FER1L6: variants seen among roughly 807,000 people sequenced by gnomAD.
The protein encoded by FER1L6 is fer-1 like family member 6.
A neutral mutation model predicts 219.2 loss-of-function variants in FER1L6; 177 were observed. The observed-to-expected ratio is 0.81, with a 90% CI of 0.71 to 0.91. The LOEUF (loss-of-function observed/expected upper bound fraction) is 0.91. FER1L6 is among the 40% of genes least tolerant of loss of function. The probability of loss-of-function intolerance (pLI) is 0.00; values close to 1 mark genes in which losing one functional copy is unlikely to be tolerated. For synonymous variants in FER1L6, 768 were observed against 824.3 expected, an observed-to-expected ratio of 0.93 and a Z score of 1.17; for missense variants, 2,153 against 2,259.9, an observed-to-expected ratio of 0.95 and a Z score of 0.96.
chr8:124,105,078 T>C (rs1300893124), intron 39 of FER1L6, among the ~76,000 whole-genome samples: 1 of 152,162 alleles, frequency 6.6e-6, no homozygotes, highest in Non-Finnish European at 1.5e-5. Context: ...GAATCAAAGC[T>C]TACCCAATGC....
rs560453795 is a variant in FER1L6, at chr8:124,083,678, T to C, written c.4391+1220T>C. Among the ~76,000 whole-genome samples, 17 of 152,344 alleles carry C rather than the reference T, an allele frequency of 1.1e-4. No individual in the cohort carries two copies. The South Asian group carries it at 2.9e-3, about 26-fold the overall frequency. On this transcript the variant is annotated intron_variant, in intron 33 of 40. Transcript: ENST00000522917. Reference sequence around the variant, plus strand: ...TGCTCTTCTGGTTACTATAGCTCTGTAGCATAATTTGAAGTCAGGTAATGT... The same window carrying C: ...TGCTCTTCTGGTTACTATAGCTCTGCAGCATAATTTGAAGTCAGGTAATGT...
intron 14 of FER1L6, among the ~76,000 whole-genome samples, chr8:124,011,783 C>T (rs1463743786): frequency 6.6e-6 from 1 of 152,062 alleles, no homozygotes; most frequent in African/African-American, 2.4e-5. Flanking sequence ...TTGTGCCTGG[C>T]CAACACCCTG....
intron 11 of FER1L6, chr8:123,984,098 C>T (rs1816446673): frequency 6.6e-6 from 1 of 152,158 alleles, no homozygotes. Flanking sequence ...ATTAAGACAT[C>T]AATTCTGCCC....
At chr8:123,946,862 A>G (rs1020394702) in intron 1 of FER1L6, among the ~76,000 whole-genome samples, 3 of 152,126 alleles carry the variant, frequency 2.0e-5, no homozygotes, top group African/African-American at 7.2e-5. Context: ...AGACACGGAA[A>G]TGACTTTATT....
chr8:123,924,727 T>C (rs1201955302), intron 1 of FER1L6: 1 of 152,164 alleles, frequency 6.6e-6, no homozygotes, highest in East Asian at 1.9e-4. Context: ...ATACTATTCC[T>C]GGGAGAATTG....
intron 12 of FER1L6, among the ~76,000 whole-genome samples, chr8:123,998,373 A>ACT (rs746709688): frequency 0.075 from 2,437 of 32,346 alleles, 305 homozygotes; most frequent in East Asian, 0.13. Flanking sequence ...AAAGAGGGAA[A>ACT]CTCTCTCTCT....
intron 1 of FER1L6, among the ~76,000 whole-genome samples, chr8:123,903,998 C>G (rs551591284): frequency 1.3e-5 from 2 of 152,160 alleles, no homozygotes; most frequent in African/African-American, 4.8e-5. Flanking sequence ...AGGCCTCCTC[C>G]GAAGCTGGCA....
chr8:124,083,832 A>G (rs184467369), intron 33 of FER1L6, among the ~76,000 whole-genome samples: 36 of 152,220 alleles, frequency 2.4e-4, no homozygotes, highest in African/African-American at 7.9e-4. Context: ...TTTGATAGAG[A>G]TTTCACTGAA....
chr8:123,904,267 T>TGTGTGTGTGTGA (rs1563679522), intron 1 of FER1L6, among the ~76,000 whole-genome samples: 7 of 146,902 alleles, frequency 4.8e-5, no homozygotes, highest in Non-Finnish European at 1.0e-4. Context: ...TGTGTGTGTG[T>TGTGTGTGTGTGA]GATGTGTGGG....
chr8:124,054,261 C>CTTCT, intron 22 of FER1L6, among the ~76,000 whole-genome samples: 1 of 152,290 alleles, frequency 6.6e-6, no homozygotes, highest in South Asian at 2.1e-4. Flanking sequence ...GTGGCTCTTA[C>CTTCT]TTCTTACCAC....
chr8:124,105,190 G>C (rs1184430668), intron 39 of FER1L6, among the ~76,000 whole-genome samples: 1 of 152,208 alleles, frequency 6.6e-6, no homozygotes, highest in East Asian at 1.9e-4. Context: ...AGGAGGAAGA[G>C]CATTTCCCAC....
In FER1L6 at chr8:123,977,487, T is replaced by A; in HGVS notation, c.941T>A (p.Phe314Tyr). ...GAACAGGTGATCTTCAAGGAAATGTTCCCTCCCTTGTGTCGGAGGGTGAAA... is the reference window on the plus strand; with the variant it reads ...GAACAGGTGATCTTCAAGGAAATGTACCCTCCCTTGTGTCGGAGGGTGAAA... ...WHEQVIFKEMFPPLCRRVKIQ... is the reference protein window; with the variant it reads ...WHEQVIFKEMYPPLCRRVKIQ... Residue 314 changes from phenylalanine (F) to tyrosine (Y), a missense_variant, in exon 10 of 41, where the codon TTC becomes TAC. Coordinates refer to ENST00000522917, the MANE Select transcript of FER1L6 (RefSeq NM_001039112.2). The A allele has an allele frequency of 6.2e-7, 1 of 1,614,060 alleles. No individual in the cohort carries two copies. Among genetic ancestry groups the A allele is most frequent in the Non-Finnish European group, 8.5e-7 (1 of 1,179,962 alleles).
chr8:123,950,590 G>A (rs1296749435), intron 1 of FER1L6, among the ~76,000 whole-genome samples: 1 of 152,174 alleles, frequency 6.6e-6, no homozygotes, highest in African/African-American at 2.4e-5. Flanking sequence ...TAGCATCCTT[G>A]GAGGTGTATT....
chr8:124,112,248 G>C (rs1215423077), intron 39 of FER1L6, among the ~76,000 whole-genome samples: 1 of 152,112 alleles, frequency 6.6e-6, no homozygotes, highest in Non-Finnish European at 1.5e-5. Context: ...GGCGAGAGAG[G>C]GTTTGTTTAT....
At chr8:124,083,041 CAT>C (rs1432152144) in intron 33 of FER1L6, among the ~76,000 whole-genome samples, 2 of 150,436 alleles carry the variant, frequency 1.3e-5, no homozygotes, top group East Asian at 2.0e-4. Context: ...GACATGTATA[CAT>C]ATATATGGGG....
rs1278138304 is a variant in FER1L6, at chr8:124,119,898, A to G, written c.*108A>G. Reference sequence around the variant, plus strand: ...TGGCACTGTGCTGAGTGCTAAGGGGACAGATCAACCCTTCTTGGAAGAGAT... The same window carrying G: ...TGGCACTGTGCTGAGTGCTAAGGGGGCAGATCAACCCTTCTTGGAAGAGAT... On this transcript the variant is annotated 3_prime_UTR_variant, in exon 41 of 41. Coordinates refer to ENST00000522917, the MANE Select transcript of FER1L6 (RefSeq NM_001039112.2). 3 of 1,135,180 alleles carry G rather than the reference A, an allele frequency of 2.6e-6. No homozygotes were observed. The highest frequency in any genetic ancestry group is 2.3e-5 in the Admixed American group (1 of 43,190). The allele number at this position is 1,135,180 out of a possible 1,614,324, so 70.3% of individuals were successfully genotyped here.
At chr8:123,919,658 G>A (rs773214856) in intron 1 of FER1L6, among the ~76,000 whole-genome samples, 2 of 152,184 alleles carry the variant, frequency 1.3e-5, no homozygotes, top group South Asian at 4.1e-4. Context: ...AAGTTTAAAA[G>A]ACAGGAAAAA....
chr8:124,055,652 CT>C (rs1820259450), intron 22 of FER1L6, among the ~76,000 whole-genome samples: 1 of 152,040 alleles, frequency 6.6e-6, no homozygotes, highest in Admixed American at 6.5e-5. Flanking sequence ...GAATGTTGTC[CT>C]TCTGGAAAGT....
chr8:123,923,823 G>T (rs538621118), intron 1 of FER1L6, among the ~76,000 whole-genome samples: 1 of 151,776 alleles, frequency 6.6e-6, no homozygotes, highest in South Asian at 2.1e-4. Context: ...TTTAATCCCA[G>T]CTACTCGGGA....
Sources: allele counts gnomAD v4.1 joint callset (sites outside exome capture counted in the v4.1 genomes callset), GRCh38; gene constraint gnomAD v4.1.1; transcripts MANE v1.5; gene names NCBI Gene and HGNC (gene_info 2026-07-23, HGNC 2026-07-21).